The following CENPP variants were observed in gnomAD, a reference collection of about 807,000 sequenced individuals.
CENPP encodes the protein centromere protein P.
In CENPP, 24 loss-of-function variants were observed where a neutral mutation model predicts 35.6. That is an observed-to-expected ratio of 0.67 (90% CI 0.49 to 0.95). The LOEUF is 0.95. Ranked by LOEUF, CENPP falls within the 40% of genes least tolerant of loss-of-function variation. CENPP has a pLI of 0.00. For missense variants in CENPP, 332 were observed against 345.3 expected (o/e 0.96, Z 0.31); for synonymous variants, 120 against 125.5 (o/e 0.96, Z 0.29).
At chr9:92,592,018 C>T (rs1404941547) in intron 5 of CENPP, among the ~76,000 whole-genome samples, 2 of 151,788 alleles carry the variant, frequency 1.3e-5, no homozygotes, top group African/African-American at 2.4e-5. Flanking sequence ...CTAACCTGCA[C>T]ATTGTGCACA....
At chr9:92,559,449 T>C (rs561149734) in intron 5 of CENPP, among the ~76,000 whole-genome samples, 4 of 152,304 alleles carry the variant, frequency 2.6e-5, no homozygotes, top group South Asian at 4.1e-4. Context: ...ACTTCCGCAA[T>C]TGGGGCACTC....
chr9:92,524,884 GA>G (rs1848298624), intron 5 of CENPP, among the ~76,000 whole-genome samples: 1 of 152,132 alleles, frequency 6.6e-6, no homozygotes, highest in Non-Finnish European at 1.5e-5. Context: ...TCTATGATAG[GA>G]AGGAATGGTA....
At chr9:92,583,624 T>TG (rs1163386317) in intron 5 of CENPP, among the ~76,000 whole-genome samples, 1 of 151,742 alleles carries the variant, frequency 6.6e-6, no homozygotes, top group Non-Finnish European at 1.5e-5. Context: ...TACAGAGGAG[T>TG]GGGGTTTTTT....
chr9:92,508,974 C>T (rs190928800), intron 5 of CENPP, among the ~76,000 whole-genome samples: 1 of 151,898 alleles, frequency 6.6e-6, no homozygotes, highest in East Asian at 1.9e-4. Flanking sequence ...GTCCTTGTCT[C>T]AAAAAAGTAC....
intron 3 of CENPP, among the ~76,000 whole-genome samples, chr9:92,342,214 T>G (rs1179002798): frequency 2.0e-5 from 3 of 152,266 alleles, no homozygotes; most frequent in Non-Finnish European, 4.4e-5. Flanking sequence ...TATATTCTAT[T>G]GGCCAACAAG....
intron 4 of CENPP, among the ~76,000 whole-genome samples, chr9:92,363,366 A>G (rs1384178279): frequency 6.6e-6 from 1 of 152,226 alleles, no homozygotes; most frequent in African/African-American, 2.4e-5. Flanking sequence ...AGGTAGTCTC[A>G]TGATTACATT....
intron 5 of CENPP, among the ~76,000 whole-genome samples, chr9:92,528,563 C>CA (rs765626420): frequency 4.1e-5 from 6 of 145,434 alleles, no homozygotes; most frequent in Non-Finnish European, 6.0e-5. Flanking sequence ...CAAAACAAAA[C>CA]AAAAAAAACA....
intron 5 of CENPP, among the ~76,000 whole-genome samples, chr9:92,609,661 T>C (rs1369684868): frequency 1.3e-5 from 2 of 152,270 alleles, no homozygotes; most frequent in Non-Finnish European, 2.9e-5. Context: ...AGGCGGAGCC[T>C]ACCGTGAAAG....
At chr9:92,416,164 A>G (rs1275604490) in intron 5 of CENPP, among the ~76,000 whole-genome samples, 1 of 149,800 alleles carries the variant, frequency 6.7e-6, no homozygotes, top group Admixed American at 6.7e-5. Context: ...CAGTGGCATG[A>G]TCTCAGCTCA....
rs1188946045 is a variant in CENPP at position 92,474,879 on chromosome 9, G to T, written c.564+95020G>T. On this transcript the variant is annotated intron_variant, in intron 5 of 7. Transcript: ENST00000375587. ...GCAGAGCACAAAGCCAGGAATAATAGGAGCACATACTCCTTCATGGTGTCT... is the reference window on the plus strand; with the variant it reads ...GCAGAGCACAAAGCCAGGAATAATATGAGCACATACTCCTTCATGGTGTCT... 1.9e-6 allele frequency: 3 copies of T among 1,613,346 alleles called. No individual in the cohort carries two copies. The African/African-American group carries it at 4.0e-5, about 22-fold the overall frequency.
At chr9:92,575,698 G>T (rs1189521069) in intron 5 of CENPP, among the ~76,000 whole-genome samples, 1 of 152,146 alleles carries the variant, frequency 6.6e-6, no homozygotes, top group Non-Finnish European at 1.5e-5. Context: ...TGTAATCCCA[G>T]CTACTTGTGG....
intron 5 of CENPP, among the ~76,000 whole-genome samples, chr9:92,542,864 AT>A (rs1849347285): frequency 6.6e-6 from 1 of 152,156 alleles, no homozygotes; most frequent in East Asian, 1.9e-4. Context: ...CATTTAATTC[AT>A]TAATCTATTT....
intron 5 of CENPP, among the ~76,000 whole-genome samples, chr9:92,422,790 A>G (rs767922845): frequency 6.6e-6 from 1 of 152,168 alleles, no homozygotes; most frequent in Non-Finnish European, 1.5e-5. Context: ...TGTTACAACA[A>G]TCTCTTATTT....
At chr9:92,535,606 C>G (rs1429356362) in intron 5 of CENPP, among the ~76,000 whole-genome samples, 1 of 151,972 alleles carries the variant, frequency 6.6e-6, no homozygotes. Flanking sequence ...CTTCATTCAA[C>G]AGATTTAAAA....
At chr9:92,417,278 T>C (rs201270927) in intron 5 of CENPP, 5 of 1,613,990 alleles carry the variant, frequency 3.1e-6, no homozygotes, top group African/African-American at 1.3e-5. Flanking sequence ...GTAGAGTTGC[T>C]GAATGTGCAT....
At chr9:92,602,881 C>T (rs575643129) in intron 5 of CENPP, among the ~76,000 whole-genome samples, 17 of 141,226 alleles carry the variant, frequency 1.2e-4, no homozygotes, top group Middle Eastern at 3.6e-3. Flanking sequence ...ACCTCTGACT[C>T]CCTGGTTCAA....
At chr9:92,386,144 A>G in intron 5 of CENPP, 1 of 1,337,386 alleles carries the variant, frequency 7.5e-7, no homozygotes, top group East Asian at 2.3e-5. Flanking sequence ...CCAATGAGTC[A>G]CAAGATTTTG....
intron 5 of CENPP, chr9:92,494,038 G>A (rs778722538): frequency 6.3e-7 from 1 of 1,585,488 alleles, no homozygotes; most frequent in Non-Finnish European, 8.5e-7. Context: ...TGACTGCACA[G>A]CACTTGCCTG....
At chr9:92,574,996 A>G (rs1005038635) in intron 5 of CENPP, among the ~76,000 whole-genome samples, 1 of 152,236 alleles carries the variant, frequency 6.6e-6, no homozygotes, top group African/African-American at 2.4e-5. Context: ...GTGCCTGGAA[A>G]TCTGGATATC....
Sources: gnomAD v4.1 joint callset for allele counts (sites outside exome capture counted in the v4.1 genomes callset) on GRCh38, gnomAD v4.1.1 for gene constraint, MANE v1.5 for transcripts, NCBI Gene and HGNC (gene_info 2026-07-23, HGNC 2026-07-21) for gene names.